The following IQCJ variants were observed in gnomAD, a reference collection of about 807,000 sequenced individuals.
IQCJ encodes IQ domain-containing protein J.
In IQCJ, 9 loss-of-function variants were observed where a neutral mutation model predicts 11.0. The ratio of observed to expected loss-of-function variants is 0.82; its 90% CI spans 0.49 to 1.43. The LOEUF (loss-of-function observed/expected upper bound fraction) is 1.43. Among genes scored for constraint, IQCJ ranks in the 40% most tolerant of loss-of-function variants. IQCJ has a pLI of 0.00. For missense variants in IQCJ, 146 were observed against 133.2 expected (o/e 1.10, Z -0.47); for synonymous variants, 55 against 51.3 (o/e 1.07, Z -0.31).
chr3:159,165,649 C>G (rs999481756), intron 1 of IQCJ, among the ~76,000 whole-genome samples: 3 of 150,886 alleles, frequency 2.0e-5, no homozygotes, highest in Non-Finnish European at 4.4e-5. Context: ...GATTCTCACT[C>G]TGTTGCCAGG....
intron 1 of IQCJ, among the ~76,000 whole-genome samples, chr3:159,207,066 A>C (rs917525213): frequency 6.6e-6 from 1 of 152,080 alleles, no homozygotes; most frequent in Non-Finnish European, 1.5e-5. Context: ...CCTTCCTTTA[A>C]GATTCTGGGG....
intron 1 of IQCJ, among the ~76,000 whole-genome samples, chr3:159,128,080 CT>C (rs1160858132): frequency 7.2e-5 from 11 of 152,192 alleles, no homozygotes; most frequent in Non-Finnish European, 4.4e-5. Context: ...TAGTTACCAT[CT>C]TCATAATACT....
rs542055429 is a variant in IQCJ at position 159,137,619 on chromosome 3, T to C, written c.9+68178T>C. Among the ~76,000 whole-genome samples, 7 of 152,360 alleles carry C rather than the reference T, an allele frequency of 4.6e-5. No homozygotes were observed. The South Asian group carries it at 1.0e-3, about 23-fold the overall frequency. On this transcript the variant is annotated intron_variant, in intron 1 of 3. Coordinates refer to ENST00000397832, the MANE Select transcript of IQCJ (RefSeq NM_001042706.3). The stretch of plus-strand genomic sequence containing the variant: ...AGCAAATAACTGTATAACTTTATTC[T>C]TTATTTTTGATCTATTGACTTTCTT...
At chr3:159,087,703 C>A (rs1472742191) in intron 1 of IQCJ, among the ~76,000 whole-genome samples, 1 of 145,746 alleles carries the variant, frequency 6.9e-6, no homozygotes, top group African/African-American at 2.5e-5. Context: ...AGTTTATTTG[C>A]ATAGCGGTGT....
chr3:159,265,197 A>G, downstream of IQCJ: 5 of 1,606,084 alleles, frequency 3.1e-6, no homozygotes, highest in Non-Finnish European at 4.3e-6. Context: ...AGCTTGTTTT[A>G]TCTGCTGTGA....
intron 1 of IQCJ, among the ~76,000 whole-genome samples, chr3:159,243,781 A>G (rs1727078539): frequency 1.3e-5 from 2 of 152,342 alleles, no homozygotes; most frequent in Middle Eastern, 3.4e-3. Flanking sequence ...AAGAAAACCC[A>G]GGTACTACAA....
At chr3:159,122,956 T>C (rs1719464592) in intron 1 of IQCJ, among the ~76,000 whole-genome samples, 1 of 152,238 alleles carries the variant, frequency 6.6e-6, no homozygotes, top group Admixed American at 6.5e-5. Flanking sequence ...ATTATTATGA[T>C]GGTTTTTCTC....
intron 3 of IQCJ, among the ~76,000 whole-genome samples, chr3:159,253,721 C>T (rs925677446): frequency 1.2e-4 from 19 of 152,130 alleles, no homozygotes; most frequent in African/African-American, 4.3e-4. Context: ...AATCACTGAT[C>T]TGTTTTTTAA....
intron 1 of IQCJ, among the ~76,000 whole-genome samples, chr3:159,228,890 G>A (rs1381688904): frequency 6.6e-6 from 1 of 152,070 alleles, no homozygotes; most frequent in African/African-American, 2.4e-5. Context: ...ATTAATATGT[G>A]GTTTAGAATG....
chr3:159,180,130 T>C lies in IQCJ; in HGVS notation c.10-65713T>C, dbSNP rs116305472. Among the ~76,000 whole-genome samples the C allele has an allele frequency of 2.4e-3, 363 of 152,362 alleles. 1 individual carries two copies. The highest frequency in any genetic ancestry group is 8.4e-3 in the African/African-American group (348 of 41,590). On this transcript the variant is annotated intron_variant, in intron 1 of 3. Transcript: ENST00000397832. ...GGAAGGAAAGGTAGTATTCCTGTAA[T>C]AGACAGGCATGTTTATCTGTAGCCT...
chr3:159,193,562 G>A (rs974370041), intron 1 of IQCJ, among the ~76,000 whole-genome samples: 16 of 152,300 alleles, frequency 1.1e-4, no homozygotes, highest in South Asian at 4.1e-4. Flanking sequence ...GTGATGTTAT[G>A]TGTGGTTCCA....
At chr3:159,222,607 C>T (rs1725615783) in intron 1 of IQCJ, among the ~76,000 whole-genome samples, 2 of 151,952 alleles carry the variant, frequency 1.3e-5, no homozygotes, top group Non-Finnish European at 1.5e-5. Context: ...ATAAATAGGT[C>T]TAGAGGTCTA....
chr3:159,163,140 A>C (rs1480129974), intron 1 of IQCJ, among the ~76,000 whole-genome samples: 1 of 152,224 alleles, frequency 6.6e-6, no homozygotes, highest in East Asian at 1.9e-4. Flanking sequence ...TTTGAGACCA[A>C]TATCCTTGAT....
At chr3:159,164,508 C>T (rs1055828411) in intron 1 of IQCJ, among the ~76,000 whole-genome samples, 26 of 152,302 alleles carry the variant, frequency 1.7e-4, no homozygotes, top group African/African-American at 5.1e-4. Flanking sequence ...TGGCTAACAC[C>T]TATAATCCCA....
intron 1 of IQCJ, among the ~76,000 whole-genome samples, chr3:159,199,683 A>G (rs995490158): frequency 2.6e-5 from 4 of 152,122 alleles, no homozygotes; most frequent in Non-Finnish European, 5.9e-5. Context: ...TGGAGCTTAC[A>G]GGAGGGACCA....
At chr3:159,171,145 T>TA (rs375669716) in intron 1 of IQCJ, among the ~76,000 whole-genome samples, 1,629 of 145,010 alleles carry the variant, frequency 0.011, 25 homozygotes, top group African/African-American at 0.035. Context: ...CACTAGTTAT[T>TA]AAAAAAAAAA....
At chr3:159,172,680 T>C (rs1464118847) in intron 1 of IQCJ, among the ~76,000 whole-genome samples, 1 of 147,444 alleles carries the variant, frequency 6.8e-6, no homozygotes, top group African/African-American at 2.5e-5. Flanking sequence ...TGGCTCCTGC[T>C]CAGATATTTT....
At chr3:159,131,292 A>G (rs1413354218) in intron 1 of IQCJ, among the ~76,000 whole-genome samples, 1 of 151,934 alleles carries the variant, frequency 6.6e-6, no homozygotes, top group African/African-American at 2.4e-5. Flanking sequence ...TCTGGGCACT[A>G]CACACCACCC....
intron 1 of IQCJ, among the ~76,000 whole-genome samples, chr3:159,239,744 C>T (rs1726803052): frequency 6.6e-6 from 1 of 152,154 alleles, no homozygotes; most frequent in African/African-American, 2.4e-5. Context: ...CATAACATTA[C>T]AAAGGTTGCA....
Sources: gnomAD v4.1 joint callset for allele counts (sites outside exome capture counted in the v4.1 genomes callset) on GRCh38, gnomAD v4.1.1 for gene constraint, MANE v1.5 for transcripts, NCBI Gene and HGNC (gene_info 2026-07-23, HGNC 2026-07-21) for gene names.